The following UGT1A4 variants were observed in gnomAD, a reference collection of about 807,000 sequenced individuals.
UGT1A4 encodes the protein UDP-glucuronosyltransferase 1A4.
Under a neutral mutation model 41.1 loss-of-function variants are expected in UGT1A4, and 32 were observed. That is an observed-to-expected ratio of 0.78 (90% CI 0.59 to 1.05). The LOEUF (loss-of-function observed/expected upper bound fraction) is 1.05. Among genes scored for constraint, UGT1A4 ranks in the 50% least tolerant of loss-of-function variants. UGT1A4 has a pLI of 0.00. For synonymous variants in UGT1A4, 283 were observed against 265.1 expected (o/e 1.07, Z -0.66); for missense variants, 748 against 677.4 (o/e 1.10, Z -1.16).
intron 1 of UGT1A4, chr2:233,729,669 C>T: frequency 6.2e-7 from 1 of 1,613,910 alleles, no homozygotes; most frequent in Non-Finnish European, 8.5e-7. Context: ...GTGATTTAGA[C>T]TTTAAGGGCA....
chr2:233,738,966 A>C (rs185032908), intron 1 of UGT1A4: 1 of 152,340 alleles, frequency 6.6e-6, no homozygotes, highest in Non-Finnish European at 1.5e-5. Context: ...CCAGGCCCCC[A>C]CTGCTGTGTG....
At chr2:233,754,129 A>C (rs1290911546) in intron 1 of UGT1A4, among the ~76,000 whole-genome samples, 1 of 152,214 alleles carries the variant, frequency 6.6e-6, no homozygotes, top group African/African-American at 2.4e-5. Context: ...TTTATGTGCA[A>C]TTAAAAGCCA....
chr2:233,725,558 C>A (rs1559370859), intron 1 of UGT1A4, among the ~76,000 whole-genome samples: 1 of 152,094 alleles, frequency 6.6e-6, no homozygotes, highest in Non-Finnish European at 1.5e-5. Context: ...ATCCTTTCAA[C>A]ATATATTCGA....
Position 233,719,146 on chromosome 2 carries a change from G to A in UGT1A4, c.326G>A (p.Arg109Lys). ...GFFETEHLLK[R>K]YSRSMAIMNN... is the part of the protein sequence containing the mutation. ...TTTGAAACAGAACATCTTCTGAAGA[G>A]ATATTCTAGAAGTATGGCAATTATG... Residue 109 changes from arginine (R) to lysine (K), a missense_variant, in exon 1 of 5, where the codon AGA becomes AAA. Physicochemically the swap from Arg to Lys is conservative, Grantham distance 26. Coordinates refer to ENST00000373409, the MANE Select transcript of UGT1A4 (RefSeq NM_007120.3). The A allele has an allele frequency of 1.2e-6, 2 of 1,614,266 alleles. No individual in the cohort carries two copies. Among genetic ancestry groups the A allele is most frequent in the Non-Finnish European group, 1.7e-6 (2 of 1,180,052 alleles).
chr2:233,741,661 C>T (rs1691734186), intron 1 of UGT1A4: 1 of 151,910 alleles, frequency 6.6e-6, no homozygotes, highest in African/African-American at 2.4e-5. Flanking sequence ...CTGCCATGTT[C>T]CTGCTGTTTA....
In UGT1A4 at chr2:233,769,574, T is replaced by C. The variant is rs1345352154; in HGVS notation, c.1307+1135T>C. 4 of 1,612,752 alleles carry C rather than the reference T, an allele frequency of 2.5e-6. No individual in the cohort carries two copies. The highest frequency in any genetic ancestry group is 3.3e-5 in the Admixed American group (2 of 59,992). On this transcript the variant is annotated intron_variant, in intron 4 of 4. Transcript: ENST00000373409. The surrounding 1 kb of genome is among the most constrained non-coding windows in gnomAD (Gnocchi z 4.4). ...AAGACAGATGTGAAGAGCTGGAGCA[T>C]GTTCAGATGAGAGGAGACGGAACAC... is the stretch of plus-strand genomic sequence containing the variant.
At position 233,772,385 on chromosome 2, in the gene UGT1A4, C is replaced by A. The variant is rs28900406; in HGVS notation, c.1431C>A (p.Pro477=). ...ACAAGGGCGCGCCACACCTGCGCCCCGCAGCCCACGACCTCACCTGGTACC... is the reference window on the plus strand; with the variant it reads ...ACAAGGGCGCGCCACACCTGCGCCCAGCAGCCCACGACCTCACCTGGTACC... ...MRHKGAPHLR[P]AAHDLTWYQY... is the part of the protein sequence containing the mutation. The change falls in exon 5 of 5, where the codon CCC becomes CCA. Residue 477 remains proline (P), a synonymous_variant. Transcript: ENST00000373409. 3 of 1,614,128 alleles carry A rather than the reference C, an allele frequency of 1.9e-6. No individual in the cohort carries two copies. The African/African-American group carries it at 4.0e-5, about 22-fold the overall frequency.
At chr2:233,726,002 C>T (rs1052114071) in intron 1 of UGT1A4, among the ~76,000 whole-genome samples, 2 of 151,912 alleles carry the variant, frequency 1.3e-5, no homozygotes, top group African/African-American at 4.8e-5. Flanking sequence ...TGCATCTCTA[C>T]AAAAAATCAA....
chr2:233,721,852 T>C (rs2076975990), intron 1 of UGT1A4: 1 of 513,872 alleles, frequency 1.9e-6, no homozygotes, highest in African/African-American at 1.9e-5. Flanking sequence ...CCAGCCCCAC[T>C]GCTCGGCCCT....
intron 1 of UGT1A4, chr2:233,729,254 G>C (rs1181621220): frequency 1.2e-6 from 2 of 1,614,100 alleles, no homozygotes; most frequent in Admixed American, 1.7e-5. Context: ...CACTGGCTCA[G>C]CATGCGGGAG....
At chr2:233,729,765 C>T in intron 1 of UGT1A4, 2 of 1,613,978 alleles carry the variant, frequency 1.2e-6, no homozygotes, top group Admixed American at 1.7e-5. Flanking sequence ...GGGTCAAGAA[C>T]ATGCTCTACC....
rs377501831 is a variant in UGT1A4, at chr2:233,767,899, G to A, written c.1050G>A (p.Thr350=). The A allele has an allele frequency of 2.4e-5, 38 of 1,614,024 alleles. No homozygotes were observed. Among genetic ancestry groups the A allele is most frequent in the Admixed American group, 8.3e-5 (5 of 59,994 alleles). ...GTRPSNLANN[T]ILVKWLPQND... ...GACCATCGAATCTTGCGAACAACAC[G>A]ATACTTGTTAAGTGGCTACCCCAAA... The change falls in exon 3 of 5, where the codon ACG becomes ACA. Residue 350 remains threonine (T), a synonymous_variant. Transcript: ENST00000373409.
At chr2:233,725,685 C>T (rs2077466808) in intron 1 of UGT1A4, among the ~76,000 whole-genome samples, 2 of 152,008 alleles carry the variant, frequency 1.3e-5, no homozygotes, top group African/African-American at 4.8e-5. Flanking sequence ...TTCAAGTGCT[C>T]AATAGTCATA....
In UGT1A4 at chr2:233,740,888, C is replaced by A. The variant is rs557749460; in HGVS notation, c.867+21201C>A. On this transcript the variant is annotated intron_variant, in intron 1 of 4. Coordinates refer to ENST00000373409, the MANE Select transcript of UGT1A4 (RefSeq NM_007120.3). ...TTTAAATAAAATGCTCTTGCAGGGA[C>A]AACATAGTAGGTCAACATTGTTCCC... The A allele has an allele frequency of 9.3e-5, 14 of 150,988 alleles. No individual in the cohort carries two copies. In the East Asian group the frequency reaches 9.7e-4, roughly 10 times the overall value. The allele number at this position is 150,988 out of a possible 1,614,324, so 9.4% of individuals were successfully genotyped here. A position where few individuals can be genotyped will look rare whatever the true frequency, so the allele number is the denominator to read the frequency against.
intron 4 of UGT1A4, 57 bp from the exon 5 acceptor site, chr2:233,772,205 A>T: frequency 6.2e-7 from 1 of 1,608,796 alleles, no homozygotes; most frequent in Non-Finnish European, 8.5e-7. Flanking sequence ...GAGCATAAAG[A>T]GAGGATTGTT....
chr2:233,748,482 T>G (rs1174810693), intron 1 of UGT1A4, among the ~76,000 whole-genome samples: 1 of 151,838 alleles, frequency 6.6e-6, no homozygotes, highest in African/African-American at 2.4e-5. Flanking sequence ...AAATTACAAT[T>G]GTTAATGTGA....
At chr2:233,728,696 G>T (rs930449968) in intron 1 of UGT1A4, among the ~76,000 whole-genome samples, 26 of 152,206 alleles carry the variant, frequency 1.7e-4, no homozygotes, top group African/African-American at 6.3e-4. Context: ...TCAAGGGTTA[G>T]CAAATAGGGT....
rs1698334430 is a variant in UGT1A4 at position 233,763,527 on chromosome 2, C to G, written c.868-3507C>G. 2.6e-5 allele frequency among the ~76,000 whole-genome samples: 4 copies of G among 152,146 alleles called. No individual in the cohort carries two copies. In the South Asian group the frequency reaches 8.3e-4, roughly 31 times the overall value. The stretch of plus-strand genomic sequence containing the variant: ...ATGTTTAGTTGACTTTGCCATTCTC[C>G]TTTTTCCGGATTTCTACTGGTTGGT... On this transcript the variant is annotated intron_variant, in intron 1 of 4. Coordinates refer to ENST00000373409, the MANE Select transcript of UGT1A4 (RefSeq NM_007120.3).
intron 1 of UGT1A4, chr2:233,747,764 C>G: frequency 6.2e-7 from 1 of 1,613,426 alleles, no homozygotes; most frequent in Non-Finnish European, 8.5e-7. Context: ...ACTTTAAGGG[C>G]ACACAGTGTC....
Sources: gnomAD v4.1 joint callset for allele counts (sites outside exome capture counted in the v4.1 genomes callset) on GRCh38, gnomAD v4.1.1 for gene constraint, Gnocchi (gnomAD v3.1) non-coding constraint, MANE v1.5 for transcripts, NCBI Gene and HGNC (gene_info 2026-07-23, HGNC 2026-07-21) for gene names.